ITIH5: variants seen among roughly 807,000 people sequenced by gnomAD.
ITIH5 encodes the protein inter-alpha-trypsin inhibitor heavy chain H5.
Under a neutral mutation model 77.5 loss-of-function variants are expected in ITIH5, and 65 were observed. The observed-to-expected ratio is 0.84, with a 90% CI of 0.69 to 1.03. The LOEUF (loss-of-function observed/expected upper bound fraction) is 1.03. Among genes scored for constraint, ITIH5 ranks in the 50% least tolerant of loss-of-function variants. The probability of loss-of-function intolerance (pLI) is 0.00; values close to 1 mark genes in which losing one functional copy is unlikely to be tolerated. For missense variants in ITIH5, 1,208 were observed against 1,213.1 expected (o/e 1.00, Z 0.06); for synonymous variants, 525 against 494.3 (o/e 1.06, Z -0.82).
chr10:7,644,628 T>TATATATCATAC (rs1393521336), intron 2 of ITIH5, among the ~76,000 whole-genome samples: 30 of 78,396 alleles, frequency 3.8e-4, no homozygotes, highest in African/African-American at 1.2e-3. Flanking sequence ...ATATATCACA[T>TATATATCATAC]ATATCACATA....
intron 2 of ITIH5, among the ~76,000 whole-genome samples, chr10:7,650,231 G>A (rs778028188): frequency 9.9e-5 from 15 of 152,254 alleles, no homozygotes; most frequent in Non-Finnish European, 2.1e-4. Context: ...TCAGGCCACA[G>A]TGCCTCTTCC....
chr10:7,598,213 T>C (rs977627578), intron 7 of ITIH5, among the ~76,000 whole-genome samples: 1 of 152,146 alleles, frequency 6.6e-6, no homozygotes, highest in Non-Finnish European at 1.5e-5. Flanking sequence ...ATTATATAAT[T>C]CATATTAAAA....
Position 7,654,991 on chromosome 10 carries a change from C to T in ITIH5, c.135+640G>A, listed in dbSNP as rs970293298. Among the ~76,000 whole-genome samples the T allele has an allele frequency of 2.0e-5, 3 of 152,050 alleles. No individual in the cohort carries two copies. The South Asian group carries it at 6.2e-4, about 32-fold the overall frequency. ...ATTTTTTTTAATTCAAAATCTCAAT[C>T]CAAACAAAGATAGTCATGATTGTGA... is the stretch of plus-strand genomic sequence containing the variant. On this transcript the variant is annotated intron_variant, in intron 2 of 13. Coordinates refer to ENST00000397146, the MANE Select transcript of ITIH5 (RefSeq NM_030569.7).
At chr10:7,661,653 G>A (rs1834278961) in intron 1 of ITIH5, among the ~76,000 whole-genome samples, 1 of 152,224 alleles carries the variant, frequency 6.6e-6, no homozygotes, top group Non-Finnish European at 1.5e-5. Context: ...AATGGAAGAA[G>A]AAACCTGATA....
In ITIH5 at chr10:7,569,713, G is replaced by A; in HGVS notation, c.2104C>T (p.Gln702Ter). 1 of 1,613,060 alleles carries A rather than the reference G, an allele frequency of 6.2e-7. No individual in the cohort carries two copies. Among genetic ancestry groups the A allele is most frequent in the South Asian group, 1.1e-5 (1 of 90,802 alleles). ...ACCAGCCTGAGGATGTCCCCGGGCT[G>A]CCCATCAATGTTGAAGCACACGGTG... ...RLTVCFNIDGQPGDILRLVSD... is the reference protein window; with the variant it reads ...RLTVCFNIDG Residue 702 changes from glutamine (Q) to a stop codon, truncating the protein, a stop_gained, in exon 12 of 14, where the codon CAG becomes TAG. Coordinates refer to ENST00000397146, the MANE Select transcript of ITIH5 (RefSeq NM_030569.7). LOFTEE classifies it high-confidence loss of function.
rs1832051844 is a variant in ITIH5 at position 7,562,170 on chromosome 10, G to A, written c.*913C>T. The A allele has an allele frequency of 6.6e-6, 1 of 152,184 alleles. No homozygotes were observed. Among genetic ancestry groups the A allele is most frequent in the South Asian group, 2.1e-4 (1 of 4,830 alleles). The allele number at this position is 152,184 out of a possible 1,614,324, so 9.4% of individuals were successfully genotyped here. On this transcript the variant is annotated 3_prime_UTR_variant, in exon 14 of 14. Coordinates refer to ENST00000397146, the MANE Select transcript of ITIH5 (RefSeq NM_030569.7). Reference sequence around the variant, plus strand: ...GTCCTAGCACTGTGCACATGTAATTGATCACCTCCTGGATGACCACAAGGA... The same window carrying A: ...GTCCTAGCACTGTGCACATGTAATTAATCACCTCCTGGATGACCACAAGGA...
intron 7 of ITIH5, among the ~76,000 whole-genome samples, chr10:7,603,485 ACT>A (rs1405155251): frequency 6.6e-6 from 1 of 152,114 alleles, no homozygotes; most frequent in Non-Finnish European, 1.5e-5. Context: ...TGGTTTCACA[ACT>A]CTCTGAAAAT....
chr10:7,629,612 T>C (rs1033348428), intron 5 of ITIH5, among the ~76,000 whole-genome samples: 1 of 133,720 alleles, frequency 7.5e-6, no homozygotes, highest in Non-Finnish European at 1.8e-5. Flanking sequence ...CGTGTATCCA[T>C]GTTGCAGCGT....
rs1832498728 is a variant in ITIH5, at chr10:7,579,658, G to T, written c.1418+97C>A. 4.0e-6 allele frequency: 5 copies of T among 1,236,904 alleles called. No homozygotes were observed. The African/African-American group carries it at 5.9e-5, about 15-fold the overall frequency. 76.6% of individuals were successfully genotyped at this position (1,236,904 alleles called of 1,614,324 possible). A position where few individuals can be genotyped will look rare whatever the true frequency, so the allele number is the denominator to read the frequency against. On this transcript the variant is annotated intron_variant, in intron 9 of 13. Transcript: ENST00000397146. ...TATGATCGTTGTCAGCAGATGCAAG[G>T]CTGGGGTGCAGCAACACACTCCTCT...
chr10:7,619,019 A>G (rs940070194), intron 5 of ITIH5: 5 of 152,258 alleles, frequency 3.3e-5, no homozygotes, highest in Non-Finnish European at 5.9e-5. Context: ...AGACAGTTAC[A>G]TAAGAGAGAA....
chr10:7,626,626 A>G (rs1411086510), intron 5 of ITIH5, among the ~76,000 whole-genome samples: 5 of 152,202 alleles, frequency 3.3e-5, no homozygotes, highest in Non-Finnish European at 7.3e-5. Flanking sequence ...GCCCTTTAAT[A>G]GGCAGAGTTG....
In ITIH5 at chr10:7,562,598, G is replaced by A. The variant is rs1040127697; in HGVS notation, c.*485C>T. On this transcript the variant is annotated 3_prime_UTR_variant, in exon 14 of 14. Transcript: ENST00000397146. ...AGCAAGAGATTCCTTTGCAGCAGAG[G>A]TTGGCCACACATCTGGGGGCTGCAA... The A allele has an allele frequency of 4.8e-5, 8 of 165,786 alleles. No individual in the cohort carries two copies. In the South Asian group the frequency reaches 1.3e-3, roughly 27 times the overall value. The allele number at this position is 165,786 out of a possible 1,614,324, so 10.3% of individuals were successfully genotyped here.
At chr10:7,630,323 T>C (rs55677135) in intron 5 of ITIH5, among the ~76,000 whole-genome samples, 32,792 of 152,208 alleles carry the variant, frequency 0.22, 3,758 homozygotes, top group Non-Finnish European at 0.25. Context: ...TTTCAGCATT[T>C]TCTTGACTTA....
intron 4 of ITIH5, among the ~76,000 whole-genome samples, chr10:7,640,139 G>A (rs1232253676): frequency 9.9e-6 from 1 of 101,418 alleles, no homozygotes; most frequent in Non-Finnish European, 2.1e-5. Flanking sequence ...TAGAGTTAGG[G>A]GGTAACTACA....
intron 7 of ITIH5, among the ~76,000 whole-genome samples, chr10:7,590,089 C>T (rs1260862704): frequency 6.6e-6 from 1 of 152,156 alleles, no homozygotes; most frequent in East Asian, 1.9e-4. Context: ...TCCAGACCGA[C>T]CTGCCAACCT....
At position 7,641,936 on chromosome 10, in the gene ITIH5, T is replaced by G; in HGVS notation, c.290A>C (p.Asn97Thr). The G allele has an allele frequency of 6.2e-7, 1 of 1,613,982 alleles. No homozygotes were observed. The highest frequency in any genetic ancestry group is 8.5e-7 in the Non-Finnish European group (1 of 1,179,934). Reference sequence around the variant, plus strand: ...CCAGCGTGTCACCTACATAGTGAAGTTGGTGATGAAAGCTGCAGCTGGAAT... The same window carrying G: ...CCAGCGTGTCACCTACATAGTGAAGGTGGTGATGAAAGCTGCAGCTGGAAT... ...MQIPAAAFIT[N>T]FTMLIGDKVY... The change falls in exon 3 of 14, where the codon AAC becomes ACC. Residue 97 changes from asparagine (N) to threonine (T), a missense_variant. Asn to Thr is a moderately conservative substitution (Grantham distance 65). Coordinates refer to ENST00000397146, the MANE Select transcript of ITIH5 (RefSeq NM_030569.7).
intron 8 of ITIH5, among the ~76,000 whole-genome samples, chr10:7,581,232 C>G (rs1440092459): frequency 2.6e-5 from 4 of 151,844 alleles, no homozygotes; most frequent in African/African-American, 9.7e-5. Context: ...TGCACTCCAG[C>G]CTGGGAAACA....
rs144696686 is a variant in ITIH5, at chr10:7,657,473, GA to G, written c.91-1799del. On this transcript the variant is annotated intron_variant, in intron 1 of 13. Coordinates refer to ENST00000397146, the MANE Select transcript of ITIH5 (RefSeq NM_030569.7). ...CAGAAAAGGGAAGAAAATACTGATA[GA>G]AAAAAAAAATGAACACAAAAGAAAA... 9.6e-4 allele frequency among the ~76,000 whole-genome samples: 141 copies of G among 146,214 alleles called. 1 individual carries two copies. Among genetic ancestry groups the G allele is most frequent in the Middle Eastern group, 3.5e-3 (1 of 288 alleles).
At chr10:7,569,989 C>T (rs1832265559) in intron 11 of ITIH5, 1 of 479,936 alleles carries the variant, frequency 2.1e-6, no homozygotes, top group Admixed American at 3.8e-5. Context: ...TTGCAGTAAA[C>T]ATTTGACTTC....
Sources: gnomAD v4.1 joint callset for allele counts (sites outside exome capture counted in the v4.1 genomes callset) on GRCh38, gnomAD v4.1.1 for gene constraint, MANE v1.5 for transcripts, NCBI Gene and HGNC (gene_info 2026-07-23, HGNC 2026-07-21) for gene names.